Variants in THAP2 observed in about 807,000 individuals in gnomAD.
THAP2 encodes the protein THAP domain-containing protein 2.
Under a neutral mutation model 18.8 loss-of-function variants are expected in THAP2, and 16 were observed. The observed-to-expected ratio is 0.85, with a 90% CI of 0.58 to 1.29. The LOEUF is 1.29. Among genes scored for constraint, THAP2 ranks in the 50% most tolerant of loss-of-function variants. The pLI is 0.00. For missense variants in THAP2, 251 were observed against 265.3 expected, an observed-to-expected ratio of 0.95 and a Z score of 0.38; for synonymous variants, 80 against 89.2, an observed-to-expected ratio of 0.90 and a Z score of 0.58.
chr12:71,676,958 T>C lies in THAP2; in HGVS notation c.537T>C (p.Asn179=). Residue 179 remains asparagine, a synonymous_variant, in exon 3 of 3, where the codon AAT becomes AAC. Transcript: ENST00000308086. The part of the protein sequence containing the change: ...ATCLVKNLEA[N]SVLPKGTSEH... ...GTTTGGTAAAGAATTTAGAAGCAAA[T>C]AGTGTATTACCTAAAGGTACATCAG... The C allele has an allele frequency of 6.2e-7, 1 of 1,613,730 alleles. No homozygotes were observed. Among genetic ancestry groups the C allele is most frequent in the Non-Finnish European group, 8.5e-7 (1 of 1,179,710 alleles).
intron 1 of THAP2, among the ~76,000 whole-genome samples, chr12:71,671,422 T>C (rs1881435843): frequency 6.6e-6 from 1 of 152,248 alleles, no homozygotes; most frequent in African/African-American, 2.4e-5. Flanking sequence ...TGTCTTCTGT[T>C]AATTCCTCTG....
At chr12:71,674,126 C>T (rs1370317387) in intron 1 of THAP2, 77 bp from the exon 2 acceptor site, 45 of 1,387,456 alleles carry the variant, frequency 3.2e-5, no homozygotes, top group East Asian at 7.3e-5. Flanking sequence ...TAATCATCTT[C>T]GAAATTTCTT....
chr12:71,676,821 G>C lies in THAP2; in HGVS notation c.400G>C (p.Ala134Pro). 1 of 1,613,388 alleles carries C rather than the reference G, an allele frequency of 6.2e-7. No individual in the cohort carries two copies. Among genetic ancestry groups the C allele is most frequent in the Non-Finnish European group, 8.5e-7 (1 of 1,179,564 alleles). Residue 134 changes from alanine to proline, a missense_variant, in exon 3 of 3, where the codon GCA (alanine) becomes CCA (proline). Physicochemically the swap from Ala to Pro is conservative, Grantham distance 27 (BLOSUM62 -1). Transcript: ENST00000308086. The part of the protein sequence containing the change: ...HSYAFRNPME[A>P]KKRIIKLEKE... The stretch of plus-strand genomic sequence containing the variant: ...CTATGCCTTTAGGAATCCTATGGAG[G>C]CAAAAAAGAGGATCATTAAACTGGA...
Position 71,674,636 on chromosome 12 carries a change from T to C in THAP2, c.267+238T>C, listed in dbSNP as rs374454846. 5.9e-5 allele frequency among the ~76,000 whole-genome samples: 9 copies of C among 152,128 alleles called. No individual in the cohort carries two copies. The South Asian group carries it at 1.2e-3, about 21-fold the overall frequency. On this transcript the variant is annotated intron_variant, in intron 2 of 2. Transcript: ENST00000308086. ...ATTTTACATTATTACCCATTATTAT[T>C]AATAATTGCACCATTGGTAAAACTG...
chr12:71,665,317 C>T (rs964476628), intron 1 of THAP2: 28 of 208,662 alleles, frequency 1.3e-4, no homozygotes, highest in African/African-American at 5.8e-4. Flanking sequence ...TGACACCAGT[C>T]CTGATTTTAT....
chr12:71,668,455 C>T (rs1406854846), intron 1 of THAP2, among the ~76,000 whole-genome samples: 2 of 138,520 alleles, frequency 1.4e-5, no homozygotes, highest in East Asian at 4.7e-4. Flanking sequence ...TTCTTATCCC[C>T]ACTTTACATA....
chr12:71,668,435 C>G (rs1350814418), intron 1 of THAP2, among the ~76,000 whole-genome samples: 1 of 151,650 alleles, frequency 6.6e-6, no homozygotes, highest in Non-Finnish European at 1.5e-5. Context: ...TATGACCACA[C>G]TAGGTGCCAT....
chr12:71,670,599 G>A (rs6582047), intron 1 of THAP2, among the ~76,000 whole-genome samples: 152,310 of 152,338 alleles, frequency 1, 76,141 homozygotes, highest in Middle Eastern at 1. Flanking sequence ...TATGTGTTCT[G>A]TACAGTATTC....
intron 2 of THAP2, 23 bp from the exon 3 acceptor site, chr12:71,676,665 AC>A (rs773143114): frequency 1.9e-6 from 3 of 1,552,556 alleles, no homozygotes; most frequent in Admixed American, 4.2e-5. Flanking sequence ...TTTATGTTCA[AC>A]CCTCTAATTT....
chr12:71,676,084 T>G (rs879647210), intron 2 of THAP2, among the ~76,000 whole-genome samples: 11 of 152,060 alleles, frequency 7.2e-5, no homozygotes, highest in African/African-American at 1.2e-4. Context: ...TAGGACTTGA[T>G]GACCATTTGA....
At chr12:71,676,414 T>G (rs1394784839) in intron 2 of THAP2, among the ~76,000 whole-genome samples, 1 of 152,082 alleles carries the variant, frequency 6.6e-6, no homozygotes, top group East Asian at 1.9e-4. Context: ...AGTCAATAAT[T>G]TGGAAGAAAC....
Position 71,678,076 on chromosome 12 carries a change from T to C in THAP2, c.*968T>C, listed in dbSNP as rs1311144491. 2.0e-5 allele frequency: 3 copies of C among 152,192 alleles called. No individual in the cohort carries two copies. The highest frequency in any genetic ancestry group is 4.4e-5 in the Non-Finnish European group (3 of 68,036). 9.4% of individuals were successfully genotyped at this position (152,192 alleles called of 1,614,324 possible). A position where few individuals can be genotyped will look rare whatever the true frequency, so the allele number is the denominator to read the frequency against. On this transcript the variant is annotated 3_prime_UTR_variant, in exon 3 of 3. Coordinates refer to ENST00000308086, the MANE Select transcript of THAP2 (RefSeq NM_031435.4). ...GGAAACTACTTATATCTTCACACTTTGTATTGATAACTTAAAATGGCATCA... is the reference window on the plus strand; with the variant it reads ...GGAAACTACTTATATCTTCACACTTCGTATTGATAACTTAAAATGGCATCA...
At chr12:71,666,544 GAGAT>G (rs1301827927) in intron 1 of THAP2, among the ~76,000 whole-genome samples, 1 of 151,896 alleles carries the variant, frequency 6.6e-6, no homozygotes, top group Admixed American at 6.6e-5. Context: ...CAAAAAAAAA[GAGAT>G]GGATGGTGGT....
Position 71,677,268 on chromosome 12 carries a change from TG to T in THAP2, c.*162del. ...TTACAAAAGAATAAAAAACTTCATA[TG>T]GAAATTTTATTTGAAAATGAGTGGA... On this transcript the variant is annotated 3_prime_UTR_variant, in exon 3 of 3. Coordinates refer to ENST00000308086, the MANE Select transcript of THAP2 (RefSeq NM_031435.4). 1.5e-6 allele frequency: 1 copy of T among 646,392 alleles called. No homozygotes were observed. Among genetic ancestry groups the T allele is most frequent in the Non-Finnish European group, 2.2e-6 (1 of 444,768 alleles). The allele number at this position is 646,392 out of a possible 1,614,324, so 40.0% of individuals were successfully genotyped here.
intron 1 of THAP2, 90 bp downstream of exon 1, chr12:71,664,670 T>C: frequency 6.9e-7 from 1 of 1,458,514 alleles, no homozygotes; most frequent in South Asian, 1.1e-5. Flanking sequence ...TTCTGCTAAT[T>C]CTAATAACTT....
At chr12:71,676,174 C>T (rs1345007010) in intron 2 of THAP2, among the ~76,000 whole-genome samples, 1 of 151,968 alleles carries the variant, frequency 6.6e-6, no homozygotes, top group Admixed American at 6.6e-5. Context: ...GAAGATATAA[C>T]CATCAAAAAT....
intron 1 of THAP2, among the ~76,000 whole-genome samples, chr12:71,665,954 T>C (rs1049060390): frequency 6.6e-6 from 1 of 152,234 alleles, no homozygotes; most frequent in South Asian, 2.1e-4. Context: ...CAGGGAAATC[T>C]TGCTACAATG....
chr12:71,670,558 C>T (rs560104760), intron 1 of THAP2, among the ~76,000 whole-genome samples: 10 of 152,240 alleles, frequency 6.6e-5, no homozygotes, highest in African/African-American at 2.2e-4. Context: ...TAACCAATAA[C>T]GTAAACAATC....
chr12:71,665,273 C>T (rs753156927), intron 1 of THAP2: 5 of 270,762 alleles, frequency 1.8e-5, no homozygotes, highest in Non-Finnish European at 3.5e-5. Context: ...GTGCCTGCCA[C>T]GTGCCCGAAG....
Sources: gnomAD v4.1 joint callset for allele counts (sites outside exome capture counted in the v4.1 genomes callset) on GRCh38, gnomAD v4.1.1 for gene constraint, MANE v1.5 for transcripts, NCBI Gene and HGNC (gene_info 2026-07-23, HGNC 2026-07-21) for gene names.